Variants in CFAP54 observed in about 807,000 individuals in gnomAD.
CFAP54 encodes cilia- and flagella-associated protein 54.
In CFAP54, 290 loss-of-function variants were observed where a neutral mutation model predicts 370.4. The observed-to-expected ratio is 0.78, with a 90% CI of 0.71 to 0.86. The LOEUF (loss-of-function observed/expected upper bound fraction) is 0.86. Among genes scored for constraint, CFAP54 ranks in the 40% least tolerant of loss-of-function variants. The pLI is 0.00. For missense variants in CFAP54, 3,399 were observed against 3,528.7 expected (o/e 0.96, Z 0.93); for synonymous variants, 1,206 against 1,236.5 (o/e 0.98, Z 0.52).
At chr12:96,630,813 C>A (rs894246501) in intron 32 of CFAP54, among the ~76,000 whole-genome samples, 162 bp downstream of exon 32, 4 of 151,518 alleles carry the variant, frequency 2.6e-5, no homozygotes, top group African/African-American at 9.7e-5. Context: ...CAAGTAAACA[C>A]CTAAATAAAC....
At chr12:96,601,123 T>C (rs1014565694) in intron 26 of CFAP54, among the ~76,000 whole-genome samples, 2 of 152,236 alleles carry the variant, frequency 1.3e-5, no homozygotes, top group Admixed American at 6.5e-5. Flanking sequence ...TATTTTGAGA[T>C]ACATTTTATC....
chr12:96,688,999 G>T lies in CFAP54; in HGVS notation c.6081+17G>T. On this transcript the variant is annotated intron_variant, in intron 43 of 67. Transcript: ENST00000524981. ...CTCTTTCAGGTAACACTCTATGTAT[G>T]TATGTTTTTCCATTGTAGCACAACC... is the stretch of plus-strand genomic sequence containing the variant. The T allele has an allele frequency of 6.8e-7, 1 of 1,480,734 alleles. No individual in the cohort carries two copies. 91.7% of individuals were successfully genotyped at this position (1,480,734 alleles called of 1,614,324 possible).
At chr12:96,651,088 T>A (rs1956852519) in intron 35 of CFAP54, among the ~76,000 whole-genome samples, 1 of 152,236 alleles carries the variant, frequency 6.6e-6, no homozygotes. Flanking sequence ...TGCTACCTCA[T>A]CAGAGAGGAC....
At chr12:96,758,163 A>G (rs956598233) in intron 58 of CFAP54, among the ~76,000 whole-genome samples, 19 of 152,194 alleles carry the variant, frequency 1.2e-4, no homozygotes, top group Admixed American at 9.2e-4. Flanking sequence ...GAAAACAGAT[A>G]ATAAACCAGT....
chr12:96,836,509 A>G (rs141814046), intron 66 of CFAP54, among the ~76,000 whole-genome samples: 1 of 152,326 alleles, frequency 6.6e-6, no homozygotes, highest in East Asian at 1.9e-4. Flanking sequence ...AGGTGAGATT[A>G]CTAGCAGGAC....
intron 60 of CFAP54, among the ~76,000 whole-genome samples, chr12:96,766,681 T>G (rs1029709856): frequency 2.0e-5 from 3 of 152,242 alleles, no homozygotes; most frequent in Admixed American, 2.0e-4. Context: ...GTCCGTAGAC[T>G]GAGAGATTAG....
intron 60 of CFAP54, among the ~76,000 whole-genome samples, chr12:96,779,830 G>GA (rs1455630877): frequency 6.6e-6 from 1 of 151,822 alleles, no homozygotes; most frequent in Non-Finnish European, 1.5e-5. Context: ...ATGTAATATA[G>GA]AAAAAAGAAA....
At chr12:96,676,990 C>G (rs1381292794) in intron 39 of CFAP54, among the ~76,000 whole-genome samples, 2 of 129,144 alleles carry the variant, frequency 1.5e-5, no homozygotes, top group Non-Finnish European at 3.2e-5. Flanking sequence ...AATATCTGTG[C>G]AAAATAAATT....
At chr12:96,676,189 G>C (rs899257903) in intron 39 of CFAP54, among the ~76,000 whole-genome samples, 9 of 152,128 alleles carry the variant, frequency 5.9e-5, no homozygotes, top group Non-Finnish European at 1.3e-4. Flanking sequence ...TCCACACACA[G>C]GTTAAAATAG....
chr12:96,668,883 A>G (rs79905318), intron 39 of CFAP54, among the ~76,000 whole-genome samples: 17,324 of 152,248 alleles, frequency 0.11, 1,291 homozygotes, highest in Middle Eastern at 0.22. Flanking sequence ...GCATTCATTC[A>G]TTTATTTATG....
In CFAP54 at chr12:96,704,797, G is replaced by T; in HGVS notation, c.6528+1G>T. 1 of 1,067,088 alleles carries T rather than the reference G, an allele frequency of 9.4e-7. No homozygotes were observed. Among genetic ancestry groups the T allele is most frequent in the East Asian group, 3.1e-5 (1 of 32,590 alleles). 66.1% of individuals were successfully genotyped at this position (1,067,088 alleles called of 1,614,324 possible). A position where few individuals can be genotyped will look rare whatever the true frequency, so the allele number is the denominator to read the frequency against. ...TCTTACCAGTAAAGAAAATATACAG[G>T]TAAGGATAATAATATTTTATAAACA... On this transcript the variant is annotated splice_donor_variant, in intron 47 of 67. Transcript: ENST00000524981. LOFTEE classifies it high-confidence loss of function.
intron 62 of CFAP54, among the ~76,000 whole-genome samples, chr12:96,791,449 T>C (rs1408010332): frequency 1.3e-5 from 2 of 152,202 alleles, no homozygotes; most frequent in Non-Finnish European, 2.9e-5. Flanking sequence ...TGAAGATTCC[T>C]CATTCAGTGA....
Position 96,533,845 on chromosome 12 carries a change from G to A in CFAP54, c.1411G>A (p.Glu471Lys). The A allele has an allele frequency of 1.3e-6, 2 of 1,533,870 alleles. No homozygotes were observed. The highest frequency in any genetic ancestry group is 1.7e-6 in the Non-Finnish European group (2 of 1,146,132). The change falls in exon 10 of 68, where the codon GAA becomes AAA. Residue 471 changes from glutamate (E) to lysine (K), a missense_variant. Coordinates refer to ENST00000524981, the MANE Select transcript of CFAP54 (RefSeq NM_001306084.2). ...TGATTTTCCAAAAACATCTCTTCTG[G>A]AACTTATGATAGGAAGAAAAGATGT... ...MLDFPKTSLL[E>K]LMIGRKDVIS... is the part of the protein sequence containing the mutation.
chr12:96,519,136 T>C (rs1955274850), intron 6 of CFAP54, 65 bp downstream of exon 6: 1 of 1,465,364 alleles, frequency 6.8e-7, no homozygotes, highest in Non-Finnish European at 9.1e-7. Flanking sequence ...TCTGGCTTTG[T>C]TGCCCAGGCT....
intron 61 of CFAP54, 42 bp downstream of exon 61, chr12:96,784,932 A>G: frequency 7.6e-7 from 1 of 1,315,402 alleles, no homozygotes; most frequent in Admixed American, 3.0e-5. Context: ...ATTTCTTTCT[A>G]ATTCCCATTT....
chr12:96,620,027 A>C (rs1472973119), intron 26 of CFAP54, among the ~76,000 whole-genome samples: 1 of 152,172 alleles, frequency 6.6e-6, no homozygotes, highest in Non-Finnish European at 1.5e-5. Context: ...TTTTTAAAAA[A>C]ACTCACAAAA....
At chr12:96,746,092 C>A (rs769113612) in intron 55 of CFAP54, among the ~76,000 whole-genome samples, 3 of 152,258 alleles carry the variant, frequency 2.0e-5, no homozygotes, top group South Asian at 4.1e-4. Context: ...TTTGGCCTTG[C>A]TGTAGCTCCT....
At chr12:96,649,001 T>C (rs1956829701) in intron 34 of CFAP54, among the ~76,000 whole-genome samples, 1 of 152,196 alleles carries the variant, frequency 6.6e-6, no homozygotes, top group African/African-American at 2.4e-5. Flanking sequence ...TTCTAACCAA[T>C]GATATGGTTC....
At chr12:96,825,672 A>C (rs1276426199) in intron 65 of CFAP54, among the ~76,000 whole-genome samples, 4 of 122,564 alleles carry the variant, frequency 3.3e-5, no homozygotes, top group Admixed American at 9.6e-5. Context: ...GCTATAATAT[A>C]TTATATATAA....
Sources: allele counts gnomAD v4.1 joint callset (sites outside exome capture counted in the v4.1 genomes callset), GRCh38; gene constraint gnomAD v4.1.1; transcripts MANE v1.5; gene names NCBI Gene and HGNC (gene_info 2026-07-23, HGNC 2026-07-21).